Variants in KIRREL3 observed in about 807,000 individuals in gnomAD.
KIRREL3 encodes the protein kin of IRRE-like protein 3.
In KIRREL3, 36 loss-of-function variants were observed where a neutral mutation model predicts 89.7. The ratio of observed to expected loss-of-function variants is 0.40; its 90% CI spans 0.31 to 0.53. The LOEUF (loss-of-function observed/expected upper bound fraction) is 0.53. Ranked by LOEUF, KIRREL3 falls within the 20% of genes least tolerant of loss-of-function variation. The probability of loss-of-function intolerance (pLI) is 0.49; values close to 1 mark genes in which losing one functional copy is unlikely to be tolerated. For synonymous variants in KIRREL3, 445 were observed against 441.4 expected (o/e 1.01, Z -0.10); for missense variants, 864 against 1,056.6 (o/e 0.82, Z 2.53).
At chr11:126,637,233 A>G (rs971432486) in intron 1 of KIRREL3, among the ~76,000 whole-genome samples, 2 of 152,140 alleles carry the variant, frequency 1.3e-5, no homozygotes, top group African/African-American at 4.8e-5. Context: ...CTGAGTTTTG[A>G]TTTCCATATG....
chr11:126,661,103 T>C (rs1353157922), intron 1 of KIRREL3, among the ~76,000 whole-genome samples: 2 of 152,066 alleles, frequency 1.3e-5, no homozygotes, highest in African/African-American at 2.4e-5. Flanking sequence ...CAAAACATAC[T>C]AAGAAAAAAG....
chr11:126,920,632 G>C (rs972927594), intron 1 of KIRREL3: 1 of 152,164 alleles, frequency 6.6e-6, no homozygotes, highest in Non-Finnish European at 1.5e-5. Context: ...TATGTTTTAA[G>C]ACAGATATGT....
intron 1 of KIRREL3, among the ~76,000 whole-genome samples, chr11:126,835,179 C>G (rs1459076153): frequency 6.6e-6 from 1 of 152,204 alleles, no homozygotes; most frequent in Non-Finnish European, 1.5e-5. Context: ...CAAAGAAGAG[C>G]TGCTTTAGGC....
In KIRREL3 at chr11:126,525,104, G is replaced by A. The variant is rs1364480270; in HGVS notation, c.283+1434C>T. 6.6e-6 allele frequency among the ~76,000 whole-genome samples: 1 copy of A among 152,192 alleles called. No homozygotes were observed. The highest frequency in any genetic ancestry group is 1.5e-5 in the Non-Finnish European group (1 of 68,036). On this transcript the variant is annotated intron_variant, in intron 3 of 16. Coordinates refer to ENST00000525144, the MANE Select transcript of KIRREL3 (RefSeq NM_032531.4). The surrounding 1 kb of genome is among the most constrained non-coding windows in gnomAD (Gnocchi z 5.4). ...GCCATTCATGGCACTGGATGCTAGA[G>A]GGTCAGTTATCCATGCTGAGATGAC...
At chr11:126,789,569 T>C (rs1312140578) in intron 1 of KIRREL3, among the ~76,000 whole-genome samples, 1 of 152,204 alleles carries the variant, frequency 6.6e-6, no homozygotes, top group Non-Finnish European at 1.5e-5. Flanking sequence ...TTTTACTCTC[T>C]GGTTCCAAAA....
intron 1 of KIRREL3, among the ~76,000 whole-genome samples, chr11:126,874,075 C>T (rs750601856): frequency 6.6e-6 from 1 of 152,206 alleles, no homozygotes; most frequent in Non-Finnish European, 1.5e-5. Context: ...TGCAAAGGCA[C>T]CTATCCCCAA....
In KIRREL3 at chr11:126,795,744, CA is replaced by C. The variant is rs929085766; in HGVS notation, c.55+204710del. Among the ~76,000 whole-genome samples, 2 of 152,016 alleles carry C rather than the reference CA, an allele frequency of 1.3e-5. No individual in the cohort carries two copies. The highest frequency in any genetic ancestry group is 4.8e-5 in the African/African-American group (2 of 41,400). ...ATATTTCTGTAAACCTAAAAATCCT[CA>C]AAAAAATGAAGTTTTTTAATTAAAA... On this transcript the variant is annotated intron_variant, in intron 1 of 16. Coordinates refer to ENST00000525144, the MANE Select transcript of KIRREL3 (RefSeq NM_032531.4). The surrounding 1 kb of genome is among the most constrained non-coding windows in gnomAD (Gnocchi z 4.1).
chr11:126,440,206 C>T (rs1451326076), intron 11 of KIRREL3: 1 of 687,446 alleles, frequency 1.5e-6, no homozygotes, highest in East Asian at 2.8e-5. Context: ...TTGGTCAGAG[C>T]CGTTCATGTC....
chr11:126,657,257 T>TC (rs1350820665), intron 1 of KIRREL3, among the ~76,000 whole-genome samples: 33 of 151,368 alleles, frequency 2.2e-4, no homozygotes, highest in African/African-American at 3.9e-4. Flanking sequence ...ATTAAATAAA[T>TC]AAATAAATAA....
chr11:126,923,892 C>T (rs1357562617), intron 1 of KIRREL3, among the ~76,000 whole-genome samples: 1 of 152,188 alleles, frequency 6.6e-6, no homozygotes, highest in Non-Finnish European at 1.5e-5. Flanking sequence ...GTAATTCCAG[C>T]TCAAATGTGT....
intron 1 of KIRREL3, among the ~76,000 whole-genome samples, chr11:126,712,264 A>AGTGTGT (rs3045186): frequency 0.059 from 8,855 of 149,674 alleles, 250 homozygotes; most frequent in Non-Finnish European, 0.061. Flanking sequence ...GATAAGGGCG[A>AGTGTGT]GTGTGTGTGT....
At chr11:126,842,840 T>TG (rs1944010285) in intron 1 of KIRREL3, among the ~76,000 whole-genome samples, 1 of 152,200 alleles carries the variant, frequency 6.6e-6, no homozygotes, top group Non-Finnish European at 1.5e-5. Context: ...GACAGAACAC[T>TG]GGGCCGACCA....
chr11:126,727,285 C>A (rs1948427857), intron 1 of KIRREL3, among the ~76,000 whole-genome samples: 1 of 152,274 alleles, frequency 6.6e-6, no homozygotes, highest in Non-Finnish European at 1.5e-5. Context: ...TTCGCCATCA[C>A]AGGCTGCTTC....
intron 1 of KIRREL3, among the ~76,000 whole-genome samples, chr11:126,929,498 A>G (rs1947850506): frequency 6.6e-6 from 1 of 152,118 alleles, no homozygotes; most frequent in South Asian, 2.1e-4. Context: ...GCCTAAAAAG[A>G]TCGAAACAAA....
chr11:126,593,667 C>A (rs115136670), intron 1 of KIRREL3, among the ~76,000 whole-genome samples: 1 of 152,186 alleles, frequency 6.6e-6, no homozygotes, highest in East Asian at 1.9e-4. Flanking sequence ...TGGGCCTGCA[C>A]GGAGTGGAGT....
In KIRREL3 at chr11:126,783,070, G is replaced by A. The variant is rs1950377217; in HGVS notation, c.55+217385C>T. 6.6e-6 allele frequency among the ~76,000 whole-genome samples: 1 copy of A among 152,192 alleles called. No individual in the cohort carries two copies. The highest frequency in any genetic ancestry group is 1.5e-5 in the Non-Finnish European group (1 of 68,042). Reference sequence around the variant, plus strand: ...GATGTCATAACAAATAACTACAACTGGGTGGCTAAGAGCAACAGAAATTTA... The same window carrying A: ...GATGTCATAACAAATAACTACAACTAGGTGGCTAAGAGCAACAGAAATTTA... On this transcript the variant is annotated intron_variant, in intron 1 of 16. Transcript: ENST00000525144. The surrounding 1 kb of genome is among the most constrained non-coding windows in gnomAD (Gnocchi z 4.3).
intron 1 of KIRREL3, among the ~76,000 whole-genome samples, chr11:126,826,349 T>C (rs774781083): frequency 6.6e-5 from 10 of 152,206 alleles, no homozygotes; most frequent in Non-Finnish European, 1.3e-4. Context: ...TAGTCACAGA[T>C]GTAAAACTGA....
At position 126,946,889 on chromosome 11, in the gene KIRREL3, T is replaced by A; in HGVS notation, c.55+53566A>T. Among the ~76,000 whole-genome samples the A allele has an allele frequency of 6.6e-6, 1 of 152,224 alleles. No homozygotes were observed. The highest frequency in any genetic ancestry group is 1.9e-4 in the East Asian group (1 of 5,198). ...AACTAGGGTGTGGTGGGCCTTGAACTAGGCATTTGGTATCACCATACAGAG... is the reference window on the plus strand; with the variant it reads ...AACTAGGGTGTGGTGGGCCTTGAACAAGGCATTTGGTATCACCATACAGAG... On this transcript the variant is annotated intron_variant, in intron 1 of 16. Transcript: ENST00000525144. This position sits in a 1 kb window ranked among gnomAD's most constrained non-coding sequence, Gnocchi z 4.1.
At chr11:126,833,458 A>G (rs1943678432) in intron 1 of KIRREL3, among the ~76,000 whole-genome samples, 1 of 152,232 alleles carries the variant, frequency 6.6e-6, no homozygotes, top group African/African-American at 2.4e-5. Context: ...CTTTTGCTGT[A>G]TTAGCCAAGT....
Sources: gnomAD v4.1 joint callset for allele counts (sites outside exome capture counted in the v4.1 genomes callset) on GRCh38, gnomAD v4.1.1 for gene constraint, Gnocchi (gnomAD v3.1) non-coding constraint, MANE v1.5 for transcripts, NCBI Gene and HGNC (gene_info 2026-07-23, HGNC 2026-07-21) for gene names.